Variants in CFAP251 observed in about 807,000 individuals in gnomAD.
CFAP251 encodes cilia and flagella associated protein 251.
Under a neutral mutation model 126.7 loss-of-function variants are expected in CFAP251, and 93 were observed. The ratio of observed to expected loss-of-function variants is 0.73; its 90% CI spans 0.62 to 0.87. The LOEUF is 0.87. Ranked by LOEUF, CFAP251 falls within the 40% of genes least tolerant of loss-of-function variation. The probability of loss-of-function intolerance (pLI) is 0.00; values close to 1 mark genes in which losing one functional copy is unlikely to be tolerated. For synonymous variants in CFAP251, 503 were observed against 506.9 expected (o/e 0.99, Z 0.10); for missense variants, 1,287 against 1,389.2 (o/e 0.93, Z 1.17).
chr12:121,978,010 C>G (rs1882512319), intron 19 of CFAP251, among the ~76,000 whole-genome samples: 1 of 151,076 alleles, frequency 6.6e-6, no homozygotes, highest in African/African-American at 2.4e-5. Context: ...TAAAAACAAA[C>G]AAAAAAACTA....
chr12:121,998,182 G>A (rs912832714), intron 19 of CFAP251: 2 of 151,894 alleles, frequency 1.3e-5, no homozygotes, highest in Admixed American at 6.6e-5. Context: ...CCCCTGAGTA[G>A]CTGGAACCAT....
intron 3 of CFAP251, among the ~76,000 whole-genome samples, chr12:121,925,133 C>A (rs1054525264): frequency 6.6e-6 from 1 of 152,140 alleles, no homozygotes; most frequent in Non-Finnish European, 1.5e-5. Context: ...CCAAAACCAT[C>A]CATTCCAAGA....
intron 19 of CFAP251, among the ~76,000 whole-genome samples, chr12:121,995,093 T>G (rs551974031): frequency 2.0e-5 from 3 of 152,238 alleles, no homozygotes; most frequent in African/African-American, 7.2e-5. Flanking sequence ...TGCATACGTA[T>G]TACTGTATTC....
At chr12:121,919,164 A>T (rs1880053978) in intron 1 of CFAP251, among the ~76,000 whole-genome samples, 1 of 150,468 alleles carries the variant, frequency 6.6e-6, no homozygotes, top group Non-Finnish European at 1.5e-5. Context: ...ACCAGAGATG[A>T]ATTTGAGGAG....
intron 7 of CFAP251, among the ~76,000 whole-genome samples, chr12:121,944,194 T>A (rs1565907829): frequency 6.6e-6 from 1 of 152,338 alleles, no homozygotes; most frequent in East Asian, 1.9e-4. Flanking sequence ...GGCACTGTGG[T>A]AAGTACATGC....
intron 14 of CFAP251, among the ~76,000 whole-genome samples, chr12:121,961,395 TC>T (rs1322445974): frequency 2.8e-5 from 4 of 144,174 alleles, no homozygotes; most frequent in Non-Finnish European, 6.1e-5. Flanking sequence ...CATCCATCCA[TC>T]CATCCGTCCA....
chr12:121,992,749 T>A (rs539945649), intron 19 of CFAP251, among the ~76,000 whole-genome samples: 37 of 152,038 alleles, frequency 2.4e-4, no homozygotes, highest in Non-Finnish European at 4.3e-4. Context: ...CAAGCTAATT[T>A]GTTGTCTTTT....
chr12:121,934,650 G>A (rs749532715), intron 5 of CFAP251, among the ~76,000 whole-genome samples: 10 of 152,170 alleles, frequency 6.6e-5, no homozygotes, highest in African/African-American at 1.4e-4. Flanking sequence ...CCAAGTGTTC[G>A]TGTCTATCGC....
At chr12:121,969,246 G>T (rs1009753951) in intron 17 of CFAP251, 2 of 985,354 alleles carry the variant, frequency 2.0e-6, no homozygotes, top group Non-Finnish European at 2.4e-6. Flanking sequence ...AAAAATAGCC[G>T]GTTAAATCTG....
At chr12:121,935,864 G>A (rs1000941932) in intron 5 of CFAP251, among the ~76,000 whole-genome samples, 11 of 152,134 alleles carry the variant, frequency 7.2e-5, no homozygotes, top group East Asian at 5.8e-4. Context: ...CTCCTTCCCC[G>A]GCTGGAGGCA....
chr12:121,926,145 G>A (rs868640797), intron 3 of CFAP251, among the ~76,000 whole-genome samples: 5 of 150,896 alleles, frequency 3.3e-5, no homozygotes, highest in African/African-American at 9.7e-5. Context: ...GATTACAGGC[G>A]TGAGCCACCA....
intron 7 of CFAP251, among the ~76,000 whole-genome samples, chr12:121,944,581 A>T (rs1177133026): frequency 6.6e-6 from 1 of 152,108 alleles, no homozygotes; most frequent in African/African-American, 2.4e-5. Context: ...TAATTTCCAG[A>T]GTTCAAGTCT....
At chr12:121,972,933 T>C (rs955003384) in intron 17 of CFAP251, among the ~76,000 whole-genome samples, 2 of 152,226 alleles carry the variant, frequency 1.3e-5, no homozygotes, top group African/African-American at 4.8e-5. Flanking sequence ...AAACCCATTT[T>C]CTGAGGAGAA....
At chr12:121,995,274 G>C (rs1882997563) in intron 19 of CFAP251, among the ~76,000 whole-genome samples, 1 of 152,180 alleles carries the variant, frequency 6.6e-6, no homozygotes, top group Non-Finnish European at 1.5e-5. Context: ...TTCCTATGTA[G>C]TAATACTGTC....
At chr12:121,958,159 TG>T in intron 11 of CFAP251, 112 bp from the exon 12 acceptor site, 2 of 1,451,948 alleles carry the variant, frequency 1.4e-6, no homozygotes, top group Non-Finnish European at 1.9e-6. Context: ...GGGTTAATAA[TG>T]TCACTAAATT....
intron 17 of CFAP251, among the ~76,000 whole-genome samples, chr12:121,973,877 A>T (rs1257651099): frequency 6.6e-6 from 1 of 152,036 alleles, no homozygotes; most frequent in African/African-American, 2.4e-5. Context: ...CTCAGATAAG[A>T]CTTTGGATGT....
In CFAP251 at chr12:121,923,657, A is replaced by G. The variant is rs1880282985; in HGVS notation, c.414A>G (p.Leu138=). 1 of 1,611,244 alleles carries G rather than the reference A, an allele frequency of 6.2e-7. No individual in the cohort carries two copies. The highest frequency in any genetic ancestry group is 8.5e-7 in the Non-Finnish European group (1 of 1,179,292). ...TQRGSKSKLS[L]QLEDAETDEL... ...GAGGTAGCAAGTCAAAGCTTTCCTT[A>G]CAATTGGAGGATGCAGAAACAGATG... is the stretch of plus-strand genomic sequence containing the variant. Residue 138 remains leucine (L), a synonymous_variant, in exon 3 of 22, where the codon TTA becomes TTG. Coordinates refer to ENST00000288912, the MANE Select transcript of CFAP251 (RefSeq NM_144668.6).
In CFAP251 at chr12:121,954,203, G is replaced by C; in HGVS notation, c.1404G>C (p.Gly468=). The C allele has an allele frequency of 6.2e-7, 1 of 1,614,172 alleles. No homozygotes were observed. Among genetic ancestry groups the C allele is most frequent in the Non-Finnish European group, 8.5e-7 (1 of 1,180,036 alleles). ...LTQILSATME[G]KLVVWDIHRP... ...AAATACTCTCAGCCACAATGGAAGG[G>C]AAGCTGGTTGTCTGGGACATACACC... is the stretch of plus-strand genomic sequence containing the variant. Residue 468 remains glycine, a synonymous_variant, in exon 10 of 22, where the codon GGG becomes GGC. Coordinates refer to ENST00000288912, the MANE Select transcript of CFAP251 (RefSeq NM_144668.6).
chr12:121,934,617 T>G (rs1880817452), intron 5 of CFAP251, among the ~76,000 whole-genome samples: 1 of 152,206 alleles, frequency 6.6e-6, no homozygotes, highest in Non-Finnish European at 1.5e-5. Flanking sequence ...CTGCCTCTTC[T>G]GGGCAGTTCT....
Sources: allele counts gnomAD v4.1 joint callset (sites outside exome capture counted in the v4.1 genomes callset), GRCh38; gene constraint gnomAD v4.1.1; transcripts MANE v1.5; gene names NCBI Gene and HGNC (gene_info 2026-07-23, HGNC 2026-07-21).